Variants in NUBPL observed in about 807,000 individuals in gnomAD.
NUBPL encodes iron-sulfur cluster transfer protein NUBPL.
NUBPL carries 31 observed loss-of-function variants against 45.7 expected under a neutral mutation model. The observed-to-expected ratio is 0.68, with a 90% CI of 0.51 to 0.92. NUBPL has a LOEUF of 0.92. Ranked by LOEUF, NUBPL falls within the 40% of genes least tolerant of loss-of-function variation. The pLI is 0.00. For missense variants in NUBPL, 401 were observed against 398.7 expected (o/e 1.01, Z -0.05); for synonymous variants, 144 against 140.9 (o/e 1.02, Z -0.15).
intron 3 of NUBPL, among the ~76,000 whole-genome samples, chr14:31,579,483 A>G (rs1367961152): frequency 1.3e-5 from 2 of 152,216 alleles, no homozygotes; most frequent in Non-Finnish European, 2.9e-5. Flanking sequence ...AAGCTGATAT[A>G]TGCAACAGAA....
At chr14:31,762,031 A>T (rs1212030860) in intron 6 of NUBPL, among the ~76,000 whole-genome samples, 1 of 152,220 alleles carries the variant, frequency 6.6e-6, no homozygotes, top group Non-Finnish European at 1.5e-5. Context: ...AACATATCAG[A>T]AAGTTTAGTT....
chr14:31,664,751 T>C (rs1235959393), intron 4 of NUBPL, among the ~76,000 whole-genome samples: 2 of 152,228 alleles, frequency 1.3e-5, no homozygotes, highest in African/African-American at 4.8e-5. Flanking sequence ...GCTGGCCTCA[T>C]AAAATGAATT....
chr14:31,811,004 C>T (rs2039793427), intron 7 of NUBPL, among the ~76,000 whole-genome samples: 2 of 152,172 alleles, frequency 1.3e-5, no homozygotes, highest in Non-Finnish European at 2.9e-5. Flanking sequence ...GTCTGATGGG[C>T]TTCCCTTTGT....
chr14:31,567,596 AT>A (rs895999289), intron 3 of NUBPL, among the ~76,000 whole-genome samples: 14 of 150,800 alleles, frequency 9.3e-5, no homozygotes, highest in Admixed American at 4.6e-4. Flanking sequence ...TTTGGAAATT[AT>A]TTTTTTTTCC....
chr14:31,760,406 G>T (rs536750182), intron 6 of NUBPL, among the ~76,000 whole-genome samples: 2 of 151,984 alleles, frequency 1.3e-5, no homozygotes, highest in Non-Finnish European at 2.9e-5. Flanking sequence ...GTCCACCTCA[G>T]CCTCCCAAAG....
In NUBPL at chr14:31,673,350, T is replaced by TC. The variant is rs397790418; in HGVS notation, c.383-3dup. ...TCTAAAAGAGAGGATTTTTTTTTTTTCCAGGCAACCTAATGAGGCCTCTCT... is the reference window on the plus strand; with the variant it reads ...TCTAAAAGAGAGGATTTTTTTTTTTTCCCAGGCAACCTAATGAGGCCTCTCT... On this transcript the variant is annotated splice_polypyrimidine_tract_variant and splice_region_variant and intron_variant, in intron 4 of 10. Transcript: ENST00000281081. 1.4e-5 allele frequency: 22 copies of TC among 1,599,830 alleles called. No homozygotes were observed. The highest frequency in any genetic ancestry group is 2.2e-5 in the East Asian group (1 of 44,720).
At chr14:31,826,790 T>G (rs776663462) in intron 8 of NUBPL, 76 bp downstream of exon 8, 1 of 1,385,882 alleles carries the variant, frequency 7.2e-7, no homozygotes, top group Non-Finnish European at 1.0e-6. Context: ...AAAATACAGT[T>G]GAAGTTTTAA....
intron 6 of NUBPL, among the ~76,000 whole-genome samples, chr14:31,707,677 C>T (rs2037485346): frequency 6.6e-6 from 1 of 152,234 alleles, no homozygotes; most frequent in Non-Finnish European, 1.5e-5. Context: ...GCCCTGGTCC[C>T]TCTAGCTAAG....
At chr14:31,606,797 A>C (rs2034612660) in intron 4 of NUBPL, among the ~76,000 whole-genome samples, 1 of 152,114 alleles carries the variant, frequency 6.6e-6, no homozygotes, top group African/African-American at 2.4e-5. Context: ...GGGTTGTTGG[A>C]ATATTCTTGC....
At chr14:31,807,384 A>ATT (rs1386457798) in intron 7 of NUBPL, among the ~76,000 whole-genome samples, 1 of 152,020 alleles carries the variant, frequency 6.6e-6, no homozygotes, top group Non-Finnish European at 1.5e-5. Context: ...GATGATGAGC[A>ATT]TTTTTTCATG....
chr14:31,577,222 A>G (rs1394793271), intron 3 of NUBPL, among the ~76,000 whole-genome samples: 3 of 152,162 alleles, frequency 2.0e-5, no homozygotes, highest in Non-Finnish European at 4.4e-5. Context: ...TTTTTATTTG[A>G]GAAGTATCTC....
At chr14:31,798,302 GGT>G (rs1491495787) in intron 7 of NUBPL, among the ~76,000 whole-genome samples, 11,354 of 98,594 alleles carry the variant, frequency 0.12, 1,123 homozygotes, top group African/African-American at 0.35. Context: ...ATTTATTTAT[GGT>G]TTTTTTTTTT....
intron 6 of NUBPL, among the ~76,000 whole-genome samples, chr14:31,675,148 A>AAG (rs2036664433): frequency 6.6e-6 from 1 of 152,054 alleles, no homozygotes; most frequent in African/African-American, 2.4e-5. Flanking sequence ...AAAAAAAAAA[A>AAG]AAAGTTACAG....
chr14:31,690,566 G>A (rs555457191), intron 6 of NUBPL, among the ~76,000 whole-genome samples: 23 of 152,254 alleles, frequency 1.5e-4, no homozygotes, highest in African/African-American at 5.5e-4. Context: ...TCTATGGAAA[G>A]GATTGTCAGT....
chr14:31,626,606 G>A (rs947004416), intron 4 of NUBPL, among the ~76,000 whole-genome samples: 7 of 152,198 alleles, frequency 4.6e-5, no homozygotes, highest in Non-Finnish European at 8.8e-5. Context: ...TATGTAAGAT[G>A]GTCCTAGAGT....
intron 4 of NUBPL, among the ~76,000 whole-genome samples, chr14:31,631,293 T>C (rs138882096): frequency 3.5e-4 from 53 of 152,280 alleles, no homozygotes; most frequent in African/African-American, 1.2e-3. Context: ...TGCTCTTTTA[T>C]GGCCAGGAGC....
At chr14:31,776,176 C>T (rs1412536002) in intron 6 of NUBPL, among the ~76,000 whole-genome samples, 3 of 152,158 alleles carry the variant, frequency 2.0e-5, no homozygotes, top group African/African-American at 7.2e-5. Context: ...TCTGGATCCA[C>T]CACTGGGTTT....
At chr14:31,572,088 C>T (rs2033600321) in intron 3 of NUBPL, among the ~76,000 whole-genome samples, 1 of 152,094 alleles carries the variant, frequency 6.6e-6, no homozygotes. Flanking sequence ...CAACCTAGAT[C>T]CTGTGCTCTT....
At chr14:31,605,700 GCTTCTTT>G (rs1287200545) in intron 4 of NUBPL, among the ~76,000 whole-genome samples, 7 of 151,978 alleles carry the variant, frequency 4.6e-5, no homozygotes, top group Admixed American at 2.6e-4. Context: ...GAGATCTTCT[GCTTCTTT>G]CTTCTTTCTT....
Sources: allele counts gnomAD v4.1 joint callset (sites outside exome capture counted in the v4.1 genomes callset), GRCh38; gene constraint gnomAD v4.1.1; transcripts MANE v1.5; gene names NCBI Gene and HGNC (gene_info 2026-07-23, HGNC 2026-07-21).